The following CSMD3 variants were observed in gnomAD, a reference collection of about 807,000 sequenced individuals.
CSMD3 encodes the protein CUB and Sushi multiple domains 3.
CSMD3 carries 177 observed loss-of-function variants against 435.2 expected under a neutral mutation model. The observed-to-expected ratio is 0.41, with a 90% confidence interval of 0.36 to 0.46. CSMD3 has a LOEUF of 0.46. Among genes scored for constraint, CSMD3 ranks in the 20% least tolerant of loss-of-function variants. CSMD3 has a pLI of 0.34. For synonymous variants in CSMD3, 1,656 were observed against 1,520.5 expected (o/e 1.09, Z -2.07); for missense variants, 4,265 against 4,504.6 (o/e 0.95, Z 1.52).
intron 10 of CSMD3, among the ~76,000 whole-genome samples, chr8:112,868,356 G>T (rs2081042811): frequency 6.6e-6 from 1 of 152,086 alleles, no homozygotes; most frequent in Admixed American, 6.6e-5. Flanking sequence ...AAAAAGTATG[G>T]TGTAGTAAAT....
chr8:112,491,963 T>C (rs1416666663), intron 31 of CSMD3, among the ~76,000 whole-genome samples: 1 of 152,106 alleles, frequency 6.6e-6, no homozygotes, highest in African/African-American at 2.4e-5. Flanking sequence ...ATAGAGAGAG[T>C]TATATACAAG....
intron 1 of CSMD3, among the ~76,000 whole-genome samples, chr8:113,392,311 G>T (rs779688405): frequency 4.6e-5 from 7 of 152,056 alleles, no homozygotes; most frequent in Non-Finnish European, 8.8e-5. Context: ...CTTAGGAGTT[G>T]ACAGGAGAGT....
intron 4 of CSMD3, among the ~76,000 whole-genome samples, chr8:113,153,101 A>AAAAGAAAGAAAGAAAGAAAGAAAG (rs1554791157): frequency 8.0e-5 from 8 of 100,044 alleles, no homozygotes; most frequent in South Asian, 3.2e-4. Context: ...AGAAAGAAAG[A>AAAAGAAAGAAAGAAAGAAAGAAAG]AAAGAAAGAA....
At chr8:112,275,584 C>T (rs552591392) in intron 59 of CSMD3, among the ~76,000 whole-genome samples, 1 of 152,166 alleles carries the variant, frequency 6.6e-6, no homozygotes, top group African/African-American at 2.4e-5. Context: ...GTTTAATGGA[C>T]TCACAGTTCC....
chr8:112,255,717 C>T (rs532320201), intron 61 of CSMD3: 2 of 384,142 alleles, frequency 5.2e-6, no homozygotes, highest in East Asian at 1.1e-4. Flanking sequence ...TGACCAAAAT[C>T]AAACCACATA....
chr8:113,408,133 A>AT lies in CSMD3; in HGVS notation c.178+28543dup, dbSNP rs148654640. On this transcript the variant is annotated intron_variant, in intron 1 of 70. Transcript: ENST00000297405. ...TTAAAGAGTTGGATTGTCTAACTCT[A>AT]TTTTTTTTCAAATTTCACTGTGTAC... Among the ~76,000 whole-genome samples, 843 of 151,914 alleles carry AT rather than the reference A, an allele frequency of 5.5e-3. 11 individuals are homozygous for AT. In the Middle Eastern group the frequency reaches 0.071, roughly 13 times the overall value.
intron 9 of CSMD3, among the ~76,000 whole-genome samples, chr8:112,922,339 C>T (rs2082769906): frequency 6.6e-6 from 1 of 151,914 alleles, no homozygotes; most frequent in African/African-American, 2.4e-5. Context: ...TTATCCCCCT[C>T]ATGAATTTAT....
intron 61 of CSMD3, among the ~76,000 whole-genome samples, chr8:112,260,395 T>C (rs1291491725): frequency 6.6e-6 from 1 of 152,194 alleles, no homozygotes; most frequent in Non-Finnish European, 1.5e-5. Context: ...TCTATTAAAA[T>C]GTCATGACTA....
At chr8:112,686,513 G>A (rs2076015122) in intron 14 of CSMD3, among the ~76,000 whole-genome samples, 1 of 146,574 alleles carries the variant, frequency 6.8e-6, no homozygotes, top group Admixed American at 6.8e-5. Context: ...CTGAGACGGA[G>A]TCTCATTTTG....
At chr8:112,574,852 G>T (rs1460913312) in intron 23 of CSMD3, among the ~76,000 whole-genome samples, 3 of 151,826 alleles carry the variant, frequency 2.0e-5, no homozygotes, top group African/African-American at 7.2e-5. Flanking sequence ...TCTTAGCTCA[G>T]ATTGCCTTAC....
chr8:112,641,713 C>T (rs920595295), intron 20 of CSMD3, among the ~76,000 whole-genome samples: 3 of 152,016 alleles, frequency 2.0e-5, no homozygotes, highest in Admixed American at 2.0e-4. Flanking sequence ...TGGCATACAC[C>T]TGTAGTCCCA....
intron 13 of CSMD3, among the ~76,000 whole-genome samples, chr8:112,758,386 A>AT (rs1208214251): frequency 6.6e-6 from 1 of 151,942 alleles, no homozygotes; most frequent in African/African-American, 2.4e-5. Flanking sequence ...AAAAAATATG[A>AT]TTTTTAAAGT....
chr8:112,575,789 A>T (rs1223678511), intron 23 of CSMD3, among the ~76,000 whole-genome samples: 2 of 152,122 alleles, frequency 1.3e-5, no homozygotes, highest in Non-Finnish European at 2.9e-5. Flanking sequence ...GTGGCAAAAT[A>T]TAACTTGTAT....
intron 3 of CSMD3, among the ~76,000 whole-genome samples, chr8:113,196,084 G>C (rs893131374): frequency 6.6e-6 from 1 of 150,662 alleles, no homozygotes; most frequent in Admixed American, 6.7e-5. Flanking sequence ...CTCACTCCAC[G>C]AGATACTTAT....
chr8:113,148,293 T>C (rs2091726476), intron 4 of CSMD3, among the ~76,000 whole-genome samples: 1 of 151,644 alleles, frequency 6.6e-6, no homozygotes, highest in Non-Finnish European at 1.5e-5. Flanking sequence ...ACCTCCCTCC[T>C]CACAGCCTTT....
chr8:112,441,681 A>G (rs1815036671), intron 32 of CSMD3, among the ~76,000 whole-genome samples: 1 of 152,194 alleles, frequency 6.6e-6, no homozygotes, highest in Non-Finnish European at 1.5e-5. Context: ...AAGCAAATAC[A>G]TCCTTCTTCA....
intron 3 of CSMD3, among the ~76,000 whole-genome samples, chr8:113,174,930 A>T (rs559556596): frequency 8.3e-4 from 126 of 151,988 alleles, no homozygotes; most frequent in African/African-American, 2.9e-3. Flanking sequence ...AGTTATATCA[A>T]GGGAAACTAA....
At chr8:112,750,399 G>T (rs753841023) in intron 13 of CSMD3, among the ~76,000 whole-genome samples, 40 of 151,742 alleles carry the variant, frequency 2.6e-4, no homozygotes, top group Non-Finnish European at 1.3e-4. Flanking sequence ...TAATGAATCA[G>T]GCTAAAATCC....
intron 2 of CSMD3, among the ~76,000 whole-genome samples, chr8:113,300,329 A>G (rs1248993763): frequency 6.6e-6 from 1 of 152,158 alleles, no homozygotes; most frequent in Non-Finnish European, 1.5e-5. Flanking sequence ...CCACAACTGC[A>G]TATCCACTCA....
Sources: allele counts gnomAD v4.1 joint callset (sites outside exome capture counted in the v4.1 genomes callset), GRCh38; gene constraint gnomAD v4.1.1; transcripts MANE v1.5; gene names NCBI Gene and HGNC (gene_info 2026-07-23, HGNC 2026-07-21).